RNF38: variants seen among roughly 807,000 people sequenced by gnomAD.
RNF38 encodes the protein ring finger protein 38.
Under a neutral mutation model 67.2 loss-of-function variants are expected in RNF38, and 15 were observed. The observed-to-expected ratio is 0.22, with a 90% CI of 0.15 to 0.34. The LOEUF (loss-of-function observed/expected upper bound fraction) is 0.34. Ranked by LOEUF, RNF38 falls within the 10% of genes least tolerant of loss-of-function variation. The pLI is 1.00. For synonymous variants in RNF38, 220 were observed against 218.8 expected, an observed-to-expected ratio of 1.01 and a Z score of -0.05; for missense variants, 524 against 639.9, an observed-to-expected ratio of 0.82 and a Z score of 1.95.
At position 36,336,880 on chromosome 9, in the gene RNF38, A is replaced by T. The variant is rs1442465431; in HGVS notation, c.*2872T>A. 6.6e-6 allele frequency: 1 copy of T among 152,250 alleles called. No homozygotes were observed. Among genetic ancestry groups the T allele is most frequent in the Non-Finnish European group, 1.5e-5 (1 of 68,042 alleles). The allele number at this position is 152,250 out of a possible 1,614,324, so 9.4% of individuals were successfully genotyped here. A position where few individuals can be genotyped will look rare whatever the true frequency, so the allele number is the denominator to read the frequency against. On this transcript the variant is annotated 3_prime_UTR_variant, in exon 12 of 12. Transcript: ENST00000259605. ...CATTTCAGATAGTATATAAAATCTA[A>T]ATATGCTTTCACATTTTCCAGATTT... is the stretch of plus-strand genomic sequence containing the variant.
intron 2 of RNF38, among the ~76,000 whole-genome samples, chr9:36,378,457 TGA>T (rs1442985691): frequency 6.6e-6 from 1 of 152,160 alleles, no homozygotes; most frequent in Non-Finnish European, 1.5e-5. Context: ...TTTACAGGTG[TGA>T]GTTACCATGC....
chr9:36,445,406 C>T (rs904806600), intron 1 of RNF38, among the ~76,000 whole-genome samples: 6 of 152,192 alleles, frequency 3.9e-5, no homozygotes, highest in African/African-American at 1.4e-4. Context: ...GGTTATTTAA[C>T]TGCATAATTA....
intron 4 of RNF38, among the ~76,000 whole-genome samples, chr9:36,368,896 T>TC (rs2133766283): frequency 6.6e-6 from 1 of 152,258 alleles, no homozygotes; most frequent in South Asian, 2.1e-4. Context: ...CTTTTTTTTT[T>TC]TGACCTCAGA....
chr9:36,441,625 A>C (rs1454317268), intron 1 of RNF38, among the ~76,000 whole-genome samples: 2 of 152,092 alleles, frequency 1.3e-5, no homozygotes, highest in Non-Finnish European at 2.9e-5. Flanking sequence ...CCTGGCCCCA[A>C]ATCTTTTAAA....
chr9:36,406,078 ATC>A (rs1157633206), upstream of RNF38, among the ~76,000 whole-genome samples: 1 of 152,166 alleles, frequency 6.6e-6, no homozygotes. Flanking sequence ...TTTATCAAAT[ATC>A]TGTTTCCTCC....
chr9:36,468,379 C>G (rs1478641413), intron 1 of RNF38, among the ~76,000 whole-genome samples: 1 of 152,156 alleles, frequency 6.6e-6, no homozygotes, highest in Non-Finnish European at 1.5e-5. Context: ...ATATTCTGAC[C>G]TCCTTCTCTG....
At chr9:36,340,607 A>T (rs1434484292) in intron 11 of RNF38, among the ~76,000 whole-genome samples, 1 of 152,200 alleles carries the variant, frequency 6.6e-6, no homozygotes, top group Non-Finnish European at 1.5e-5. Context: ...CCAGGCCTCA[A>T]ATGATCCTCC....
intron 1 of RNF38, among the ~76,000 whole-genome samples, chr9:36,442,828 T>C (rs1385634206): frequency 2.0e-5 from 3 of 152,182 alleles, no homozygotes; most frequent in African/African-American, 7.2e-5. Flanking sequence ...CCAATAACAG[T>C]AGCAGTTGGA....
intron 4 of RNF38, 74 bp from the exon 5 acceptor site, chr9:36,358,016 G>A: frequency 8.2e-7 from 1 of 1,218,424 alleles, no homozygotes; most frequent in Non-Finnish European, 1.2e-6. Context: ...TCAACATTTG[G>A]TCATTTATTG....
chr9:36,451,315 A>G (rs1839432748), intron 1 of RNF38, among the ~76,000 whole-genome samples: 1 of 151,596 alleles, frequency 6.6e-6, no homozygotes, highest in Admixed American at 6.6e-5. Flanking sequence ...AATAGAAAAG[A>G]TTAGCCAGGT....
At chr9:36,420,927 CTATAAACAG>C (rs1408705470) in intron 2 of RNF38, among the ~76,000 whole-genome samples, 1 of 131,250 alleles carries the variant, frequency 7.6e-6, no homozygotes, top group Non-Finnish European at 1.7e-5. Context: ...GCACTATAAA[CTATAAACAG>C]ATACATATCA....
At chr9:36,427,699 CTA>C (rs1838811641) in intron 1 of RNF38, among the ~76,000 whole-genome samples, 1 of 141,848 alleles carries the variant, frequency 7.0e-6, no homozygotes, top group Admixed American at 7.0e-5. Context: ...ATCTATCTAT[CTA>C]TCTACCTACC....
chr9:36,358,928 T>C (rs1303274709), intron 4 of RNF38, among the ~76,000 whole-genome samples: 1 of 152,150 alleles, frequency 6.6e-6, no homozygotes, highest in Non-Finnish European at 1.5e-5. Context: ...GGAGAATCAC[T>C]TGAACCTGGG....
intron 10 of RNF38, among the ~76,000 whole-genome samples, chr9:36,343,404 CAAT>C (rs1832986682): frequency 1.3e-5 from 2 of 151,972 alleles, no homozygotes; most frequent in Non-Finnish European, 2.9e-5. Context: ...CTCTACAACT[CAAT>C]AATACAAAGA....
chr9:36,376,238 CG>C, intron 2 of RNF38, 111 bp from the exon 3 acceptor site: 1 of 794,834 alleles, frequency 1.3e-6, no homozygotes, highest in Non-Finnish European at 1.9e-6. Flanking sequence ...AAATGTAAAG[CG>C]GGGAAAAAAA....
intron 9 of RNF38, among the ~76,000 whole-genome samples, chr9:36,345,372 T>C (rs1833152897): frequency 1.3e-5 from 2 of 152,178 alleles, no homozygotes; most frequent in African/African-American, 4.8e-5. Flanking sequence ...ATTTCATTTG[T>C]ATCAAGTGCA....
upstream of RNF38, among the ~76,000 whole-genome samples, chr9:36,403,303 T>C (rs943325001): frequency 2.0e-5 from 3 of 152,234 alleles, no homozygotes; most frequent in Non-Finnish European, 2.9e-5. Context: ...GCAGAACTAA[T>C]AGAACTTTCT....
chr9:36,430,288 C>A (rs1186707439), intron 1 of RNF38, among the ~76,000 whole-genome samples: 2 of 152,114 alleles, frequency 1.3e-5, no homozygotes, highest in Non-Finnish European at 2.9e-5. Flanking sequence ...CTCACTACAA[C>A]CTCCTCCTCC....
chr9:36,369,142 A>G (rs1835183936), intron 4 of RNF38, among the ~76,000 whole-genome samples: 1 of 152,236 alleles, frequency 6.6e-6, no homozygotes, highest in Non-Finnish European at 1.5e-5. Flanking sequence ...AGGAATATGT[A>G]CTCAAACCAT....
Sources: gnomAD v4.1 joint callset for allele counts (sites outside exome capture counted in the v4.1 genomes callset) on GRCh38, gnomAD v4.1.1 for gene constraint, MANE v1.5 for transcripts, NCBI Gene and HGNC (gene_info 2026-07-23, HGNC 2026-07-21) for gene names.